CTNNA3: variants seen among roughly 807,000 people sequenced by gnomAD.
The protein encoded by CTNNA3 is catenin alpha 3.
In CTNNA3, 76 loss-of-function variants were observed where a neutral mutation model predicts 95.7. That is an observed-to-expected ratio of 0.79 (90% CI 0.66 to 0.96). The LOEUF is 0.96. CTNNA3 is among the 40% of genes least tolerant of loss of function. The pLI is 0.00. For synonymous variants in CTNNA3, 431 were observed against 374.4 expected (o/e 1.15, Z -1.74); for missense variants, 1,191 against 1,089.8 (o/e 1.09, Z -1.31).
At chr10:66,507,066 A>G (rs1840473234) in intron 11 of CTNNA3, among the ~76,000 whole-genome samples, 1 of 152,140 alleles carries the variant, frequency 6.6e-6, no homozygotes, top group South Asian at 2.1e-4. Context: ...GCATCAGCTT[A>G]TGAAAGAACA....
chr10:66,220,368 C>A (rs2088855463), intron 13 of CTNNA3, among the ~76,000 whole-genome samples: 1 of 152,204 alleles, frequency 6.6e-6, no homozygotes, highest in South Asian at 2.1e-4. Flanking sequence ...GTTTACTCAG[C>A]CGGTAGTTCT....
At chr10:66,153,518 T>A (rs755790797) in intron 13 of CTNNA3, among the ~76,000 whole-genome samples, 4 of 151,952 alleles carry the variant, frequency 2.6e-5, no homozygotes, top group Non-Finnish European at 5.9e-5. Context: ...AGCTGCAGGA[T>A]GTTTTGAGTC....
chr10:67,731,930 T>C (rs182781076), intron 1 of CTNNA3, among the ~76,000 whole-genome samples: 111 of 150,990 alleles, frequency 7.4e-4, no homozygotes, highest in African/African-American at 2.4e-3. Flanking sequence ...CCGGCTAATT[T>C]TTTTTGTTTT....
intron 13 of CTNNA3, among the ~76,000 whole-genome samples, chr10:66,135,796 G>T (rs1434964549): frequency 2.0e-5 from 3 of 152,074 alleles, no homozygotes; most frequent in African/African-American, 7.2e-5. Context: ...TGCATGCACT[G>T]GTGTTCTGCT....
intron 11 of CTNNA3, among the ~76,000 whole-genome samples, chr10:66,461,685 GTATA>G (rs141247399): frequency 1.4e-5 from 2 of 140,130 alleles, no homozygotes; most frequent in Non-Finnish European, 3.1e-5. Context: ...ATATATATAT[GTATA>G]TATATATATA....
chr10:67,575,400 C>G (rs889021200), intron 3 of CTNNA3, among the ~76,000 whole-genome samples: 1 of 152,008 alleles, frequency 6.6e-6, no homozygotes, highest in African/African-American at 2.4e-5. Context: ...CTTTCTGTTT[C>G]TGGCATTTTC....
At chr10:65,991,836 T>C (rs1295790199) in intron 15 of CTNNA3, among the ~76,000 whole-genome samples, 1 of 152,056 alleles carries the variant, frequency 6.6e-6, no homozygotes, top group African/African-American at 2.4e-5. Context: ...CGGATCTTGA[T>C]AGAAAGGCTT....
chr10:66,421,446 T>C (rs1177016565), intron 11 of CTNNA3, among the ~76,000 whole-genome samples: 3 of 152,128 alleles, frequency 2.0e-5, no homozygotes, highest in African/African-American at 7.2e-5. Flanking sequence ...ATCCTCACAG[T>C]AATGGACACT....
At chr10:66,136,407 T>C (rs906029629) in intron 13 of CTNNA3, among the ~76,000 whole-genome samples, 1 of 152,158 alleles carries the variant, frequency 6.6e-6, no homozygotes, top group African/African-American at 2.4e-5. Flanking sequence ...CAAAAAACAA[T>C]AAAGATGTAT....
intron 7 of CTNNA3, among the ~76,000 whole-genome samples, chr10:67,102,881 G>C (rs751774624): frequency 6.6e-6 from 1 of 151,844 alleles, no homozygotes; most frequent in African/African-American, 2.4e-5. Context: ...GAGTTGGTCA[G>C]TTGAGCAGTT....
intron 10 of CTNNA3, among the ~76,000 whole-genome samples, chr10:66,597,952 C>A (rs192054018): frequency 6.6e-6 from 1 of 151,864 alleles, no homozygotes; most frequent in African/African-American, 2.4e-5. Context: ...ACTATTACAC[C>A]GCTATTAGAC....
chr10:67,112,086 CAGTT>C (rs1858938535), intron 7 of CTNNA3, among the ~76,000 whole-genome samples: 4 of 152,116 alleles, frequency 2.6e-5, no homozygotes, highest in Admixed American at 2.6e-4. Flanking sequence ...ATGTTGTCGT[CAGTT>C]TGTTCTCTCA....
intron 7 of CTNNA3, among the ~76,000 whole-genome samples, chr10:66,796,559 T>C (rs1841199364): frequency 6.6e-6 from 1 of 152,040 alleles, no homozygotes; most frequent in Non-Finnish European, 1.5e-5. Context: ...AACAGAGGCA[T>C]GAAACGAGTT....
intron 13 of CTNNA3, among the ~76,000 whole-genome samples, chr10:66,159,626 G>GTTTTTTTTTTTTTTTTTTGT (rs34684370): frequency 8.7e-6 from 1 of 114,926 alleles, no homozygotes; most frequent in African/African-American, 3.3e-5. Flanking sequence ...TTTGTTTTCT[G>GTTTTTTTTTTTTTTTTTTGT]TTTTTTTTTT....
intron 7 of CTNNA3, among the ~76,000 whole-genome samples, chr10:67,032,433 GT>G (rs1853787966): frequency 6.6e-6 from 1 of 152,044 alleles, no homozygotes; most frequent in South Asian, 2.1e-4. Flanking sequence ...CAAAGTATGA[GT>G]TTGTTTTACA....
intron 2 of CTNNA3, among the ~76,000 whole-genome samples, chr10:67,617,941 A>T (rs1332584227): frequency 7.9e-5 from 12 of 152,094 alleles, no homozygotes. Context: ...ATTCAGTTTT[A>T]AAAATGTAAT....
At chr10:67,532,106 A>G (rs1375421663) in intron 4 of CTNNA3, among the ~76,000 whole-genome samples, 1 of 152,170 alleles carries the variant, frequency 6.6e-6, no homozygotes, top group Non-Finnish European at 1.5e-5. Flanking sequence ...AGTATAAAGT[A>G]TGTCTTTATC....
rs1859480312 is a variant in CTNNA3, at chr10:67,121,868, C to T, written c.1047+58449G>A. Among the ~76,000 whole-genome samples the T allele has an allele frequency of 3.3e-5, 5 of 150,710 alleles. No homozygotes were observed. The Admixed American group carries it at 3.3e-4, about 10-fold the overall frequency. On this transcript the variant is annotated intron_variant, in intron 7 of 17. Transcript: ENST00000433211. ...AAACAGGGATATAGGTCCATATCTT[C>T]CAGGTTTTCTAGAGAGGTAAAAAAT...
rs181680258 is a variant in CTNNA3 at position 66,016,457 on chromosome 10, A to G, written c.2160-27660T>C. On this transcript the variant is annotated intron_variant, in intron 15 of 17. Transcript: ENST00000433211. ...AGTTGGCAAAACTCACCAATAATCTATCTATCCCAGAGAAGAGTCTCTATC... is the reference window on the plus strand; with the variant it reads ...AGTTGGCAAAACTCACCAATAATCTGTCTATCCCAGAGAAGAGTCTCTATC... Among the ~76,000 whole-genome samples the G allele has an allele frequency of 1.9e-3, 294 of 152,276 alleles. 1 individual carries two copies. Among genetic ancestry groups the G allele is most frequent in the African/African-American group, 6.2e-3 (259 of 41,568 alleles).
Sources: gnomAD v4.1 joint callset for allele counts (sites outside exome capture counted in the v4.1 genomes callset) on GRCh38, gnomAD v4.1.1 for gene constraint, MANE v1.5 for transcripts, NCBI Gene and HGNC (gene_info 2026-07-23, HGNC 2026-07-21) for gene names.